The following ATG7 variants were observed in gnomAD, a reference collection of about 807,000 sequenced individuals.
ATG7 encodes the protein ubiquitin-like modifier-activating enzyme ATG7.
Under a neutral mutation model 82.4 loss-of-function variants are expected in ATG7, and 70 were observed. That is an observed-to-expected ratio of 0.85 (90% CI 0.70 to 1.04). ATG7 has a LOEUF of 1.04. Among genes scored for constraint, ATG7 ranks in the 50% least tolerant of loss-of-function variants. The probability of loss-of-function intolerance (pLI) is 0.00; values close to 1 mark genes in which losing one functional copy is unlikely to be tolerated. For synonymous variants in ATG7, 287 were observed against 313.0 expected (o/e 0.92, Z 0.88); for missense variants, 792 against 864.3 (o/e 0.92, Z 1.05).
chr3:11,512,267 G>A (rs1369363208), intron 20 of ATG7, among the ~76,000 whole-genome samples: 1 of 152,152 alleles, frequency 6.6e-6, no homozygotes, highest in Non-Finnish European at 1.5e-5. Flanking sequence ...TGAGGGCCAG[G>A]CCCTTTCTCA....
chr3:11,286,405 T>C (rs149826899), intron 3 of ATG7, among the ~76,000 whole-genome samples: 289 of 152,302 alleles, frequency 1.9e-3, no homozygotes, highest in African/African-American at 6.6e-3. Context: ...TATCGTCGTA[T>C]GTTCTTCATG....
At position 11,298,741 on chromosome 3, in the gene ATG7, G is replaced by A. The variant is rs772682140; in HGVS notation, c.46G>A (p.Ala16Thr). 1 of 1,614,162 alleles carries A rather than the reference G, an allele frequency of 6.2e-7. No individual in the cohort carries two copies. Among genetic ancestry groups the A allele is most frequent in the Non-Finnish European group, 8.5e-7 (1 of 1,180,022 alleles). ...TCCTGGACTCTCTAAACTGCAGTTT[G>A]CCCCTTTTAGTAGTGCCTTGGATGT... Reference protein sequence around the residue: ...GDPGLSKLQFAPFSSALDVGF... With the variant: ...GDPGLSKLQFTPFSSALDVGF... Residue 16 changes from alanine to threonine, a missense_variant, in exon 4 of 21, where the codon GCC becomes ACC. Transcript: ENST00000693202.
chr3:11,493,966 T>C (rs867820407), intron 20 of ATG7, among the ~76,000 whole-genome samples: 2 of 152,170 alleles, frequency 1.3e-5, no homozygotes, highest in African/African-American at 4.8e-5. Context: ...CATTCTTAAA[T>C]GTAAGGAGTA....
At chr3:11,415,392 A>T (rs2081284909) in intron 19 of ATG7, among the ~76,000 whole-genome samples, 1 of 152,180 alleles carries the variant, frequency 6.6e-6, no homozygotes, top group Non-Finnish European at 1.5e-5. Flanking sequence ...CTTCAGTAAT[A>T]AATTACCTTT....
intron 14 of ATG7, among the ~76,000 whole-genome samples, chr3:11,356,794 A>G (rs1049890153): frequency 3.9e-5 from 6 of 152,190 alleles, no homozygotes; most frequent in African/African-American, 1.2e-4. Flanking sequence ...TAGGTGCACA[A>G]TACTTAATGG....
chr3:11,568,833 C>CT, the ATG7 span: 3 of 1,409,488 alleles, frequency 2.1e-6, no homozygotes, highest in Non-Finnish European at 2.8e-6. The surrounding 1 kb of genome is among the most constrained non-coding windows in gnomAD (Gnocchi z 5.9). Flanking sequence ...CCAAAGGACT[C>CT]TGAGTGGCTC....
At chr3:11,504,437 G>A (rs1403728912) in intron 20 of ATG7, among the ~76,000 whole-genome samples, 1 of 152,104 alleles carries the variant, frequency 6.6e-6, no homozygotes, top group Non-Finnish European at 1.5e-5. Flanking sequence ...CCAAGAAAGG[G>A]AAAGAGATGG....
In ATG7 at chr3:11,347,958, T is replaced by C. The variant is rs1253566504; in HGVS notation, c.1207T>C (p.Phe403Leu). 7 of 1,613,982 alleles carry C rather than the reference T, an allele frequency of 4.3e-6. No individual in the cohort carries two copies. The highest frequency in any genetic ancestry group is 1.3e-5 in the African/African-American group (1 of 74,884). ...SNPVRQPLYEFEDCLGGGKPK... is the reference protein window; with the variant it reads ...SNPVRQPLYELEDCLGGGKPK... ...TCCTGTGAGGCAGCCTCTCTATGAG[T>C]TTGAAGATTGCCTAGGGGGTGGTAA... Residue 403 changes from phenylalanine to leucine, a missense_variant, in exon 14 of 21, where the codon TTT (phenylalanine) becomes CTT (leucine). Physicochemically the swap from Phe to Leu is conservative, Grantham distance 22. Transcript: ENST00000693202.
intron 20 of ATG7, among the ~76,000 whole-genome samples, chr3:11,474,139 A>T (rs894667000): frequency 1.3e-5 from 2 of 152,198 alleles, no homozygotes; most frequent in African/African-American, 4.8e-5. Flanking sequence ...TCACTGGGGG[A>T]TACGACATAT....
intron 13 of ATG7, 89 bp from the exon 14 acceptor site, chr3:11,347,788 C>A: frequency 7.1e-7 from 1 of 1,401,680 alleles, no homozygotes; most frequent in Non-Finnish European, 9.5e-7. Context: ...CCAAGCTTCT[C>A]CAAACCAATA....
chr3:11,415,955 G>A (rs553194884), intron 19 of ATG7, among the ~76,000 whole-genome samples: 2 of 152,154 alleles, frequency 1.3e-5, no homozygotes, highest in East Asian at 1.9e-4. Context: ...AAACATGGAA[G>A]TAATGTTGTT....
intron 20 of ATG7, among the ~76,000 whole-genome samples, chr3:11,525,136 A>AC (rs2092543819): frequency 6.6e-6 from 1 of 151,578 alleles, no homozygotes; most frequent in Admixed American, 6.6e-5. Flanking sequence ...TTCTGGGCTC[A>AC]AGTGATTGTC....
At chr3:11,504,271 T>C (rs1244621878) in intron 20 of ATG7, among the ~76,000 whole-genome samples, 1 of 152,238 alleles carries the variant, frequency 6.6e-6, no homozygotes, top group African/African-American at 2.4e-5. Flanking sequence ...AGGGAAATTA[T>C]ATCTAATCTA....
intron 1 of ATG7, among the ~76,000 whole-genome samples, chr3:11,273,630 T>C (rs1324816539): frequency 6.6e-6 from 1 of 152,334 alleles, no homozygotes; most frequent in East Asian, 1.9e-4. Flanking sequence ...GCATATTATA[T>C]ATGCTCAATA....
At chr3:11,518,847 A>G (rs1227566705) in intron 20 of ATG7, among the ~76,000 whole-genome samples, 1 of 152,218 alleles carries the variant, frequency 6.6e-6, no homozygotes, top group Non-Finnish European at 1.5e-5. Context: ...ATTGAATTCA[A>G]CTGGTAAGAT....
intron 20 of ATG7, among the ~76,000 whole-genome samples, chr3:11,486,789 A>G (rs2089704532): frequency 6.7e-6 from 1 of 149,444 alleles, no homozygotes; most frequent in South Asian, 2.2e-4. Context: ...GCATCTATTG[A>G]GATAATCATG....
chr3:11,471,465 A>T (rs1275610386), intron 20 of ATG7, among the ~76,000 whole-genome samples: 2 of 152,218 alleles, frequency 1.3e-5, no homozygotes, highest in Non-Finnish European at 2.9e-5. Flanking sequence ...CCTGGCATGT[A>T]GTCAGCACTT....
rs535386255 is a variant in ATG7, at chr3:11,361,743, CAA to C, written c.1683+961_1683+962del. On this transcript the variant is annotated intron_variant, in intron 16 of 20. Transcript: ENST00000693202. ...ATACCTGCCCTGTCAACTCACAGTG[CAA>C]AGTGGGTCAAGTGCGACAGTGCTTT... Among the ~76,000 whole-genome samples, 19 of 152,288 alleles carry C rather than the reference CAA, an allele frequency of 1.2e-4. No homozygotes were observed. The South Asian group carries it at 3.5e-3, about 28-fold the overall frequency.
At chr3:11,492,301 A>G (rs1029796864) in intron 20 of ATG7, among the ~76,000 whole-genome samples, 92 of 152,194 alleles carry the variant, frequency 6.0e-4, no homozygotes, top group African/African-American at 2.1e-3. Flanking sequence ...GAGTGAGGCA[A>G]TGCCTCGCCC....
Sources: gnomAD v4.1 joint callset for allele counts (sites outside exome capture counted in the v4.1 genomes callset) on GRCh38, gnomAD v4.1.1 for gene constraint, Gnocchi (gnomAD v3.1) non-coding constraint, MANE v1.5 for transcripts, NCBI Gene and HGNC (gene_info 2026-07-23, HGNC 2026-07-21) for gene names.